CCDC178: variants seen among roughly 807,000 people sequenced by gnomAD.
The protein encoded by CCDC178 is coiled-coil domain-containing protein 178.
In CCDC178, 126 loss-of-function variants were observed where a neutral mutation model predicts 117.4. That is an observed-to-expected ratio of 1.07 (90% CI 0.93 to 1.24). The LOEUF (loss-of-function observed/expected upper bound fraction) is 1.24. CCDC178 is among the 50% of genes most tolerant of loss of function. The probability of loss-of-function intolerance (pLI) is 0.00; values close to 1 mark genes in which losing one functional copy is unlikely to be tolerated. For synonymous variants in CCDC178, 283 were observed against 313.4 expected (o/e 0.90, Z 1.02); for missense variants, 1,030 against 986.9 (o/e 1.04, Z -0.59).
intron 11 of CCDC178, among the ~76,000 whole-genome samples, chr18:33,313,984 A>G (rs927993764): frequency 6.6e-6 from 1 of 151,536 alleles, no homozygotes; most frequent in Non-Finnish European, 1.5e-5. Context: ...GCGGATCACG[A>G]GGTCAGGAGA....
At chr18:33,264,215 A>T (rs1340569704) in intron 14 of CCDC178, among the ~76,000 whole-genome samples, 2 of 152,162 alleles carry the variant, frequency 1.3e-5, no homozygotes, top group Non-Finnish European at 2.9e-5. Flanking sequence ...GCCAGTTTAT[A>T]TGTGCAAATA....
intron 20 of CCDC178, among the ~76,000 whole-genome samples, chr18:33,156,202 C>A (rs2058394580): frequency 6.7e-6 from 1 of 150,058 alleles, no homozygotes; most frequent in East Asian, 2.0e-4. Flanking sequence ...GATTCTCCTG[C>A]CTCAGCCACC....
At chr18:33,265,576 TG>T (rs2059802533) in intron 14 of CCDC178, among the ~76,000 whole-genome samples, 1 of 151,656 alleles carries the variant, frequency 6.6e-6, no homozygotes, top group South Asian at 2.1e-4. Flanking sequence ...AAGTGATAAG[TG>T]GGAGAAACTG....
At chr18:33,160,165 A>G (rs1271822552) in intron 20 of CCDC178, among the ~76,000 whole-genome samples, 1 of 152,144 alleles carries the variant, frequency 6.6e-6, no homozygotes, top group Non-Finnish European at 1.5e-5. Flanking sequence ...GACTCAAGAT[A>G]GCTGGGAGGG....
intron 21 of CCDC178, among the ~76,000 whole-genome samples, chr18:33,019,784 C>T (rs957237085): frequency 6.6e-6 from 1 of 151,754 alleles, no homozygotes; most frequent in South Asian, 2.1e-4. Context: ...CATCAAATCA[C>T]GAAGACTCTT....
At chr18:33,167,495 A>T (rs1366690451) in intron 20 of CCDC178, among the ~76,000 whole-genome samples, 4 of 152,060 alleles carry the variant, frequency 2.6e-5, no homozygotes, top group African/African-American at 9.7e-5. Context: ...GTTTTGATTT[A>T]CATTTCTCTA....
intron 5 of CCDC178, among the ~76,000 whole-genome samples, chr18:33,376,073 C>T (rs549400913): frequency 2.6e-5 from 4 of 152,190 alleles, no homozygotes; most frequent in Non-Finnish European, 4.4e-5. Context: ...GGTTTTTATA[C>T]GTTGGCATAC....
intron 21 of CCDC178, among the ~76,000 whole-genome samples, chr18:33,017,452 A>G (rs2056015922): frequency 6.6e-6 from 1 of 151,974 alleles, no homozygotes; most frequent in Non-Finnish European, 1.5e-5. Context: ...GGCCTAGTAA[A>G]TGGAAAGACA....
chr18:33,315,268 G>C (rs559828653), intron 11 of CCDC178, among the ~76,000 whole-genome samples: 26 of 152,096 alleles, frequency 1.7e-4, no homozygotes, highest in Admixed American at 3.3e-4. Flanking sequence ...AAAAAGGTGA[G>C]GTACGTGTGG....
At chr18:32,971,180 C>G (rs993061134) in intron 22 of CCDC178, among the ~76,000 whole-genome samples, 1 of 151,914 alleles carries the variant, frequency 6.6e-6, no homozygotes. Context: ...CCTTACCCCC[C>G]ACCCCACTAC....
chr18:33,242,965 G>A (rs192634390), intron 15 of CCDC178, among the ~76,000 whole-genome samples: 19 of 151,682 alleles, frequency 1.3e-4, no homozygotes, highest in Non-Finnish European at 2.1e-4. Flanking sequence ...TTTTTTTGTG[G>A]CACTATTCAC....
At chr18:33,211,223 T>A (rs271547) in intron 20 of CCDC178, among the ~76,000 whole-genome samples, 24,393 of 151,782 alleles carry the variant, frequency 0.16, 2,735 homozygotes, top group African/African-American at 0.32. Flanking sequence ...AAGATGTCCC[T>A]TTGTATCTTC....
intron 14 of CCDC178, among the ~76,000 whole-genome samples, chr18:33,254,251 AACACACAC>A (rs34689445): frequency 0.021 from 2,891 of 135,430 alleles, 39 homozygotes; most frequent in Middle Eastern, 0.041. Context: ...TCTATTGAGA[AACACACAC>A]ACACACACAC....
intron 20 of CCDC178, among the ~76,000 whole-genome samples, chr18:33,209,041 A>T (rs1176904624): frequency 1.3e-5 from 2 of 152,056 alleles, no homozygotes; most frequent in African/African-American, 4.8e-5. Flanking sequence ...ACAACTCATA[A>T]CAAATTATAT....
chr18:33,086,050 T>C (rs928860552), intron 21 of CCDC178, among the ~76,000 whole-genome samples: 2 of 152,008 alleles, frequency 1.3e-5, no homozygotes, highest in Non-Finnish European at 2.9e-5. Context: ...TTATAAGTCA[T>C]GTATTAGATA....
At chr18:33,071,090 A>G (rs2057100585) in intron 21 of CCDC178, among the ~76,000 whole-genome samples, 1 of 152,096 alleles carries the variant, frequency 6.6e-6, no homozygotes, top group Non-Finnish European at 1.5e-5. Flanking sequence ...ACTATAGTGA[A>G]TTATTGAATG....
intron 14 of CCDC178, among the ~76,000 whole-genome samples, chr18:33,259,607 A>G (rs2059717748): frequency 1.3e-5 from 2 of 152,078 alleles, no homozygotes; most frequent in Admixed American, 6.6e-5. Flanking sequence ...TTCACTCACT[A>G]TCACGAGAAC....
intron 21 of CCDC178, among the ~76,000 whole-genome samples, chr18:32,978,203 ATTTTT>A (rs34863142): frequency 0.012 from 1,083 of 90,056 alleles, 17 homozygotes; most frequent in African/African-American, 0.041. Context: ...CTCAAAAAAG[ATTTTT>A]TTTTTTTTTT....
intron 9 of CCDC178, among the ~76,000 whole-genome samples, chr18:33,336,767 C>T (rs913553035): frequency 6.6e-6 from 1 of 151,830 alleles, no homozygotes; most frequent in African/African-American, 2.4e-5. Flanking sequence ...ATTTTAAATA[C>T]AAATTAAACA....
Sources: allele counts gnomAD v4.1 joint callset (sites outside exome capture counted in the v4.1 genomes callset), GRCh38; gene constraint gnomAD v4.1.1; transcripts MANE v1.5; gene names NCBI Gene and HGNC (gene_info 2026-07-23, HGNC 2026-07-21).